The following C8orf34 variants were observed in gnomAD, a reference collection of about 807,000 sequenced individuals.
C8orf34 encodes the protein chromosome 8 open reading frame 34, also known as uncharacterized protein C8orf34.
Under a neutral mutation model 68.3 loss-of-function variants are expected in C8orf34, and 65 were observed. The ratio of observed to expected loss-of-function variants is 0.95; its 90% confidence interval spans 0.78 to 1.17. The LOEUF is 1.17. C8orf34 is among the 50% of genes most tolerant of loss of function. The pLI, the probability that C8orf34 is intolerant of heterozygous loss-of-function variation, is 0.00. For missense variants in C8orf34, 664 were observed against 655.4 expected (o/e 1.01, Z -0.14); for synonymous variants, 244 against 241.2 (o/e 1.01, Z -0.11).
intron 1 of C8orf34, among the ~76,000 whole-genome samples, chr8:68,401,078 T>C (rs1206728237): frequency 6.6e-6 from 1 of 151,662 alleles, no homozygotes; most frequent in Non-Finnish European, 1.5e-5. Flanking sequence ...GTTTTCCTTA[T>C]AGAGATCTTT....
Position 68,811,444 on chromosome 8 carries a change from C to T in C8orf34, c.1550-4442C>T, listed in dbSNP as rs912227159. 5.3e-5 allele frequency among the ~76,000 whole-genome samples: 8 copies of T among 152,310 alleles called. No homozygotes were observed. The East Asian group carries it at 1.5e-3, about 29-fold the overall frequency. ...CTGTGCCCTTTGGGCGGGGCTCCCACCCTGCCAACTCAGACGCAGGCAGCT... is the reference window on the plus strand; with the variant it reads ...CTGTGCCCTTTGGGCGGGGCTCCCATCCTGCCAACTCAGACGCAGGCAGCT... On this transcript the variant is annotated intron_variant, in intron 12 of 13. Transcript: ENST00000518698.
intron 7 of C8orf34, among the ~76,000 whole-genome samples, chr8:68,560,193 T>C (rs766918513): frequency 5.9e-5 from 9 of 151,580 alleles, no homozygotes; most frequent in Non-Finnish European, 1.2e-4. Context: ...GACTGGAAGA[T>C]GTATTGGAGA....
At chr8:68,350,342 T>C (rs1239359875) in intron 1 of C8orf34, among the ~76,000 whole-genome samples, 1 of 152,000 alleles carries the variant, frequency 6.6e-6, no homozygotes, top group African/African-American at 2.4e-5. Context: ...AGGATTGTTT[T>C]ATGTTCAATT....
chr8:68,558,280 A>G (rs1455354704), intron 7 of C8orf34, among the ~76,000 whole-genome samples: 1 of 152,180 alleles, frequency 6.6e-6, no homozygotes, highest in Non-Finnish European at 1.5e-5. Context: ...ATAGCATTGG[A>G]GAACGAACTA....
intron 7 of C8orf34, among the ~76,000 whole-genome samples, chr8:68,544,828 G>A (rs139222793): frequency 1.0e-3 from 153 of 151,892 alleles, no homozygotes; most frequent in African/African-American, 3.5e-3. Context: ...TTGAAGATAC[G>A]TCAACAGAAA....
At chr8:68,717,569 A>G (rs1821512563) in intron 9 of C8orf34, among the ~76,000 whole-genome samples, 2 of 152,078 alleles carry the variant, frequency 1.3e-5, no homozygotes, top group Admixed American at 1.3e-4. Context: ...GGGATAAGGA[A>G]GGAGCCCACG....
At chr8:68,592,597 T>G (rs1300913358) in intron 7 of C8orf34, among the ~76,000 whole-genome samples, 3 of 25,214 alleles carry the variant, frequency 1.2e-4, no homozygotes, top group Non-Finnish European at 2.6e-4. Context: ...TTATCTCTTC[T>G]TTTTTTTTTT....
intron 1 of C8orf34, among the ~76,000 whole-genome samples, chr8:68,382,860 A>T (rs951930823): frequency 2.0e-5 from 3 of 152,126 alleles, no homozygotes; most frequent in African/African-American, 7.2e-5. Flanking sequence ...TCTGAAATTT[A>T]TATTTATATT....
In C8orf34 at chr8:68,433,305, A is replaced by G. The variant is rs184045882; in HGVS notation, c.328-6194A>G. Among the ~76,000 whole-genome samples, 30 of 152,338 alleles carry G rather than the reference A, an allele frequency of 2.0e-4. No homozygotes were observed. In the East Asian group the frequency reaches 5.8e-3, roughly 29 times the overall value. On this transcript the variant is annotated intron_variant, in intron 1 of 13. Coordinates refer to ENST00000518698, the MANE Select transcript of C8orf34 (RefSeq NM_052958.4). The stretch of plus-strand genomic sequence containing the variant: ...AACATTCTACAGCTGATAACATGCC[A>G]TATGCTATTAATATTTGAGATAATT...
chr8:68,414,984 C>G (rs1048214612), intron 1 of C8orf34, among the ~76,000 whole-genome samples: 1 of 152,084 alleles, frequency 6.6e-6, no homozygotes, highest in Non-Finnish European at 1.5e-5. Flanking sequence ...AGTATGTTCA[C>G]TATGTCTTCT....
At chr8:68,511,890 C>T (rs2129633379) in intron 5 of C8orf34, among the ~76,000 whole-genome samples, 1 of 152,250 alleles carries the variant, frequency 6.6e-6, no homozygotes, top group East Asian at 1.9e-4. Flanking sequence ...AGCAATATTC[C>T]AAGCAAAAGT....
chr8:68,399,910 T>C (rs1229726183), intron 1 of C8orf34, among the ~76,000 whole-genome samples: 2 of 152,074 alleles, frequency 1.3e-5, no homozygotes, highest in Non-Finnish European at 2.9e-5. Flanking sequence ...TCCCTGATGA[T>C]TGATGATGAG....
chr8:68,355,030 A>G (rs1806688750), intron 1 of C8orf34, among the ~76,000 whole-genome samples: 1 of 152,162 alleles, frequency 6.6e-6, no homozygotes, highest in African/African-American at 2.4e-5. Flanking sequence ...TAGCATCTTA[A>G]TATTTATTCT....
At chr8:68,537,053 A>G (rs1815507646) in intron 7 of C8orf34, among the ~76,000 whole-genome samples, 1 of 152,170 alleles carries the variant, frequency 6.6e-6, no homozygotes, top group Non-Finnish European at 1.5e-5. Flanking sequence ...TATTCTGATC[A>G]ACTTTTATAA....
At chr8:68,696,910 G>T (rs1820850684) in intron 8 of C8orf34, among the ~76,000 whole-genome samples, 1 of 151,724 alleles carries the variant, frequency 6.6e-6, no homozygotes, top group East Asian at 1.9e-4. Flanking sequence ...CTCTAATTTT[G>T]ATTTTCCTAG....
At chr8:68,745,546 CA>C (rs1309401196) in intron 10 of C8orf34, among the ~76,000 whole-genome samples, 4 of 152,128 alleles carry the variant, frequency 2.6e-5, no homozygotes, top group Admixed American at 1.3e-4. Context: ...GAAGGTCTAC[CA>C]AGCAAAAGGA....
chr8:68,629,498 C>G (rs1221373932), intron 7 of C8orf34, among the ~76,000 whole-genome samples: 1 of 152,152 alleles, frequency 6.6e-6, no homozygotes, highest in African/African-American at 2.4e-5. Flanking sequence ...TTTCCAGTGG[C>G]TGTTTAGTGC....
chr8:68,597,575 G>GGTGTGTGTGT (rs36094218), intron 7 of C8orf34, among the ~76,000 whole-genome samples: 11 of 150,066 alleles, frequency 7.3e-5, no homozygotes, highest in African/African-American at 2.7e-4. Context: ...ACATTGTGGT[G>GGTGTGTGTGT]GTGTGTGTGT....
chr8:68,390,267 A>G (rs1233693973), intron 1 of C8orf34, among the ~76,000 whole-genome samples: 1 of 152,096 alleles, frequency 6.6e-6, no homozygotes, highest in Non-Finnish European at 1.5e-5. Flanking sequence ...CTTGGGTTGC[A>G]TGTCTGAGTT....
Sources: allele counts gnomAD v4.1 joint callset (sites outside exome capture counted in the v4.1 genomes callset), GRCh38; gene constraint gnomAD v4.1.1; transcripts MANE v1.5; gene names NCBI Gene and HGNC (gene_info 2026-07-23, HGNC 2026-07-21).